Variants in TRDN observed in about 807,000 individuals in gnomAD.
TRDN encodes the protein triadin in skeletal muscle.
Under a neutral mutation model 149.7 loss-of-function variants are expected in TRDN, and 161 were observed. The observed-to-expected ratio is 1.08, with a 90% CI of 0.95 to 1.23. TRDN has a LOEUF of 1.23. TRDN is among the 50% of genes most tolerant of loss of function. TRDN has a pLI of 0.00. For synonymous variants in TRDN, 294 were observed against 250.5 expected (o/e 1.17, Z -1.64); for missense variants, 896 against 823.5 (o/e 1.09, Z -1.08).
At chr6:123,474,079 A>G (rs1777334637) in intron 9 of TRDN, among the ~76,000 whole-genome samples, 2 of 152,112 alleles carry the variant, frequency 1.3e-5, no homozygotes, top group African/African-American at 4.8e-5. Flanking sequence ...GATAGGATCA[A>G]ATTCACACAT....
intron 13 of TRDN, among the ~76,000 whole-genome samples, chr6:123,391,503 A>AGC (rs1782112371): frequency 6.6e-6 from 1 of 152,056 alleles, no homozygotes; most frequent in African/African-American, 2.4e-5. Context: ...TAGAAACAAA[A>AGC]GCCATTCCTT....
chr6:123,399,557 A>G (rs892730894), intron 12 of TRDN, among the ~76,000 whole-genome samples: 1 of 152,194 alleles, frequency 6.6e-6, no homozygotes, highest in Non-Finnish European at 1.5e-5. Context: ...ACAGAATGCA[A>G]TACCATGGAA....
intron 9 of TRDN, among the ~76,000 whole-genome samples, chr6:123,482,453 T>C (rs1358540316): frequency 1.3e-5 from 2 of 152,218 alleles, no homozygotes; most frequent in Non-Finnish European, 2.9e-5. Flanking sequence ...CCAATCTCTC[T>C]TCCTGCTTTA....
chr6:123,585,790 C>G (rs9482411), intron 1 of TRDN, among the ~76,000 whole-genome samples: 138,977 of 151,760 alleles, frequency 0.92, 63,771 homozygotes, highest in East Asian at 1. Flanking sequence ...GGAACGCCTG[C>G]CCGCTGTGGT....
intron 9 of TRDN, chr6:123,488,993 G>C (rs1277855240): frequency 6.6e-6 from 1 of 152,104 alleles, no homozygotes; most frequent in Non-Finnish European, 1.5e-5. Context: ...GCCTGGTGGA[G>C]AGTAAATATT....
chr6:123,239,234 A>G (rs1775900846), intron 38 of TRDN, among the ~76,000 whole-genome samples: 1 of 152,206 alleles, frequency 6.6e-6, no homozygotes, highest in Non-Finnish European at 1.5e-5. Context: ...ATTGATATAA[A>G]CTTACGTATA....
At chr6:123,266,251 A>G (rs183710664) in intron 32 of TRDN, among the ~76,000 whole-genome samples, 2,835 of 4,892 alleles carry the variant, frequency 0.58, 867 homozygotes, top group African/African-American at 0.7. Context: ...ATTATAATAT[A>G]TATTATATAT....
chr6:123,272,885 T>C (rs376191452), intron 29 of TRDN, 79 bp downstream of exon 29: 1 of 1,051,454 alleles, frequency 9.5e-7, no homozygotes, highest in Non-Finnish European at 1.4e-6. Context: ...AACTTTAGAC[T>C]TGACTCTAAA....
At chr6:123,491,793 G>T (rs1289995396) in intron 9 of TRDN, among the ~76,000 whole-genome samples, 1 of 152,120 alleles carries the variant, frequency 6.6e-6, no homozygotes, top group African/African-American at 2.4e-5. Flanking sequence ...TAAATGATTG[G>T]AATTAGAGTG....
chr6:123,484,845 A>G (rs1162969115), intron 9 of TRDN, among the ~76,000 whole-genome samples: 1 of 152,214 alleles, frequency 6.6e-6, no homozygotes, highest in African/African-American at 2.4e-5. Flanking sequence ...ATGTAAAGTA[A>G]TATGAACACT....
chr6:123,615,863 AT>A (rs781306039), intron 1 of TRDN, among the ~76,000 whole-genome samples: 1 of 152,140 alleles, frequency 6.6e-6, no homozygotes, highest in Admixed American at 6.6e-5. Context: ...ATTAACAACA[AT>A]TTTTTGCATA....
intron 8 of TRDN, chr6:123,502,013 T>C: frequency 6.1e-6 from 6 of 984,710 alleles, no homozygotes; most frequent in Non-Finnish European, 7.2e-6. Context: ...ACATTCCTAG[T>C]TGTTAGATAA....
At chr6:123,220,959 T>C (rs1044151024) in intron 40 of TRDN, among the ~76,000 whole-genome samples, 1 of 151,786 alleles carries the variant, frequency 6.6e-6, no homozygotes, top group African/African-American at 2.4e-5. Flanking sequence ...AACTTGGGCA[T>C]TGAATTTTGT....
At chr6:123,483,679 C>T (rs1356062181) in intron 9 of TRDN, among the ~76,000 whole-genome samples, 1 of 152,170 alleles carries the variant, frequency 6.6e-6, no homozygotes, top group East Asian at 1.9e-4. Context: ...TTTTCTCCCA[C>T]AGCTGCCTTA....
At chr6:123,554,221 G>A (rs564408181) in intron 2 of TRDN, among the ~76,000 whole-genome samples, 1 of 151,978 alleles carries the variant, frequency 6.6e-6, no homozygotes, top group African/African-American at 2.4e-5. Flanking sequence ...CCCAAACCAG[G>A]AACAATTAAA....
chr6:123,225,157 T>C (rs1775310000), intron 38 of TRDN, among the ~76,000 whole-genome samples: 1 of 151,664 alleles, frequency 6.6e-6, no homozygotes, highest in Non-Finnish European at 1.5e-5. Context: ...TTAATTATCA[T>C]GAAATGAAAT....
At chr6:123,367,687 G>A (rs12202709) in intron 19 of TRDN, among the ~76,000 whole-genome samples, 54,237 of 152,038 alleles carry the variant, frequency 0.36, 10,584 homozygotes, top group Middle Eastern at 0.45. Context: ...TCAGGTTCAC[G>A]CTGGAGGGCT....
chr6:123,507,588 T>A (rs1425829777), intron 7 of TRDN, among the ~76,000 whole-genome samples: 2 of 152,146 alleles, frequency 1.3e-5, no homozygotes, highest in Non-Finnish European at 2.9e-5. Flanking sequence ...TGAGTACACA[T>A]TCTTCAATTT....
chr6:123,373,872 C>T lies in TRDN; in HGVS notation c.1273+1733G>A, dbSNP rs537254537. On this transcript the variant is annotated intron_variant, in intron 19 of 40. Transcript: ENST00000334268. The stretch of plus-strand genomic sequence containing the variant: ...CTATATGGATAATTTAAAGGCTTTT[C>T]AATGGTATCTATAATGATATGTAAT... Among the ~76,000 whole-genome samples the T allele has an allele frequency of 2.6e-5, 4 of 152,198 alleles. No individual in the cohort carries two copies. The East Asian group carries it at 7.7e-4, about 29-fold the overall frequency.
Sources: allele counts gnomAD v4.1 joint callset (sites outside exome capture counted in the v4.1 genomes callset), GRCh38; gene constraint gnomAD v4.1.1; transcripts MANE v1.5; gene names NCBI Gene and HGNC (gene_info 2026-07-23, HGNC 2026-07-21).